The following EEF1E1 variants were observed in gnomAD, a reference collection of about 807,000 sequenced individuals.
The protein encoded by EEF1E1 is eukaryotic translation elongation factor 1 epsilon 1.
A neutral mutation model predicts 19.9 loss-of-function variants in EEF1E1; 19 were observed. The observed-to-expected ratio is 0.95, with a 90% confidence interval of 0.66 to 1.40. EEF1E1 has a LOEUF of 1.40. Ranked by LOEUF, EEF1E1 falls within the 40% of genes most tolerant of loss-of-function variation. The probability of loss-of-function intolerance (pLI) is 0.00; values close to 1 mark genes in which losing one functional copy is unlikely to be tolerated. For synonymous variants in EEF1E1, 81 were observed against 80.0 expected (o/e 1.01, Z -0.07); for missense variants, 198 against 202.2 (o/e 0.98, Z 0.13).
At chr6:8,101,836 T>C (rs913127328) in intron 1 of EEF1E1, 29 of 1,289,010 alleles carry the variant, frequency 2.2e-5, no homozygotes, top group Non-Finnish European at 2.9e-5. Context: ...AGAAACGCCT[T>C]CCCCGAATCC....
chr6:8,075,665 C>T (rs1463812446), downstream of EEF1E1, among the ~76,000 whole-genome samples: 1 of 152,120 alleles, frequency 6.6e-6, no homozygotes, highest in Non-Finnish European at 1.5e-5. Flanking sequence ...CCTCATTGAT[C>T]AGGGTGGTGG....
chr6:8,096,018 CA>C (rs1758164413), intron 2 of EEF1E1, among the ~76,000 whole-genome samples: 1 of 152,182 alleles, frequency 6.6e-6, no homozygotes, highest in South Asian at 2.1e-4. Context: ...GAAGACAATG[CA>C]AATTGTCCAG....
At chr6:8,076,203 T>TA (rs1757583412), downstream of EEF1E1, among the ~76,000 whole-genome samples, 1 of 152,046 alleles carries the variant, frequency 6.6e-6, no homozygotes, top group South Asian at 2.1e-4. Flanking sequence ...CAAATGTTCC[T>TA]AATGGCATCT....
At chr6:8,091,685 T>TGAATTTAC in intron 2 of EEF1E1, among the ~76,000 whole-genome samples, 1 of 152,358 alleles carries the variant, frequency 6.6e-6, no homozygotes, top group South Asian at 2.1e-4. Flanking sequence ...CATTGAATTA[T>TGAATTTAC]AGTCAATTAA....
At chr6:8,090,993 C>T (rs75197507) in intron 2 of EEF1E1, among the ~76,000 whole-genome samples, 1,694 of 152,284 alleles carry the variant, frequency 0.011, 26 homozygotes, top group African/African-American at 0.039. Flanking sequence ...TGAACAGGAG[C>T]GTACAAACAT....
chr6:8,080,197 C>T (rs1757692436), intron 3 of EEF1E1, among the ~76,000 whole-genome samples, 167 bp from the exon 4 acceptor site: 1 of 152,194 alleles, frequency 6.6e-6, no homozygotes, highest in Admixed American at 6.5e-5. Flanking sequence ...GCCCAGTGAA[C>T]ACTGACTTAT....
intron 2 of EEF1E1, among the ~76,000 whole-genome samples, chr6:8,092,049 T>C (rs1758025742): frequency 6.6e-6 from 1 of 152,212 alleles, no homozygotes; most frequent in South Asian, 2.1e-4. Context: ...CAGGCAGCTG[T>C]CTTTTCACTT....
chr6:8,081,718 GCTTT>G (rs1361981895), intron 3 of EEF1E1, among the ~76,000 whole-genome samples: 1 of 152,170 alleles, frequency 6.6e-6, no homozygotes, highest in Non-Finnish European at 1.5e-5. Context: ...AGAAATGGGA[GCTTT>G]CTTACCAAAA....
intron 3 of EEF1E1, among the ~76,000 whole-genome samples, chr6:8,087,962 T>C (rs1048962955): frequency 2.0e-5 from 3 of 152,104 alleles, no homozygotes; most frequent in Non-Finnish European, 2.9e-5. Context: ...GGCAGAGAGA[T>C]GGTCATAACA....
chr6:8,098,376 C>G (rs560338186), intron 1 of EEF1E1, among the ~76,000 whole-genome samples: 1 of 152,116 alleles, frequency 6.6e-6, no homozygotes, highest in Admixed American at 6.6e-5. Flanking sequence ...CCTCGGCCTC[C>G]CAAAGTGCTA....
At chr6:8,078,698 T>C, downstream of EEF1E1, 1 of 1,286,838 alleles carries the variant, frequency 7.8e-7, no homozygotes, top group South Asian at 1.2e-5. Context: ...TGGGGGCCTG[T>C]TACAATCCTC....
intron 3 of EEF1E1, among the ~76,000 whole-genome samples, chr6:8,084,314 G>A (rs1010751289): frequency 6.6e-6 from 1 of 152,192 alleles, no homozygotes; most frequent in Admixed American, 6.5e-5. Flanking sequence ...AGTGCACTTA[G>A]ACTCGTAATT....
chr6:8,100,205 C>G (rs1356387680), intron 1 of EEF1E1, among the ~76,000 whole-genome samples: 2 of 152,198 alleles, frequency 1.3e-5, no homozygotes, highest in African/African-American at 2.4e-5. Flanking sequence ...TGGGGTTTAC[C>G]TTGCATTGCA....
intron 1 of EEF1E1, among the ~76,000 whole-genome samples, chr6:8,100,441 G>T (rs1027683573): frequency 3.3e-5 from 5 of 152,080 alleles, no homozygotes; most frequent in Admixed American, 3.3e-4. Context: ...GGGGACCAAG[G>T]GAAAGCAAAA....
chr6:8,076,931 TTTTG>T (rs150452560), downstream of EEF1E1, among the ~76,000 whole-genome samples: 1,103 of 142,626 alleles, frequency 7.7e-3, 15 homozygotes, highest in East Asian at 0.011. Context: ...GCATGATTTT[TTTTG>T]TTTTTGTTTT....
intron 3 of EEF1E1, among the ~76,000 whole-genome samples, chr6:8,087,118 G>C (rs1028761702): frequency 2.6e-5 from 4 of 152,174 alleles, no homozygotes; most frequent in Non-Finnish European, 5.9e-5. Flanking sequence ...AAAGAGAAGA[G>C]TAATGCAAGG....
chr6:8,077,834 C>T (rs1757635109), downstream of EEF1E1, among the ~76,000 whole-genome samples: 1 of 152,156 alleles, frequency 6.6e-6, no homozygotes. Flanking sequence ...CTCTGTTGCC[C>T]AGGCTGGAGT....
intron 1 of EEF1E1, among the ~76,000 whole-genome samples, chr6:8,100,651 C>G (rs995466276): frequency 6.6e-6 from 1 of 152,030 alleles, no homozygotes; most frequent in Non-Finnish European, 1.5e-5. Context: ...AGTACTATTC[C>G]GTAAAATCCC....
In EEF1E1 at chr6:8,093,558, G is replaced by A. The variant is rs187172670; in HGVS notation, c.289-3277C>T. Among the ~76,000 whole-genome samples, 5 of 151,772 alleles carry A rather than the reference G, an allele frequency of 3.3e-5. No individual in the cohort carries two copies. The East Asian group carries it at 9.6e-4, about 29-fold the overall frequency. On this transcript the variant is annotated intron_variant, in intron 2 of 3. Coordinates refer to ENST00000379715, the MANE Select transcript of EEF1E1 (RefSeq NM_004280.5). ...AAATTATATACTACCTTATTTATGA[G>A]GCATTTAAACTTAGCATTGTGGTTT...
Sources: gnomAD v4.1 joint callset for allele counts (sites outside exome capture counted in the v4.1 genomes callset) on GRCh38, gnomAD v4.1.1 for gene constraint, MANE v1.5 for transcripts, NCBI Gene and HGNC (gene_info 2026-07-23, HGNC 2026-07-21) for gene names.